Variants in ANKS1B observed in about 807,000 individuals in gnomAD.
ANKS1B encodes ankyrin repeat and sterile alpha motif domain containing 1B.
In ANKS1B, 36 loss-of-function variants were observed where a neutral mutation model predicts 148.3. The observed-to-expected ratio is 0.24, with a 90% CI of 0.19 to 0.32. The LOEUF (loss-of-function observed/expected upper bound fraction) is 0.32, where lower values mean the gene tolerates loss of function less well. Among genes scored for constraint, ANKS1B ranks in the 10% least tolerant of loss-of-function variants. ANKS1B has a pLI of 1.00. For missense variants in ANKS1B, 1,157 were observed against 1,542.6 expected (o/e 0.75, Z 4.19); for synonymous variants, 542 against 560.8 (o/e 0.97, Z 0.47).
intron 9 of ANKS1B, among the ~76,000 whole-genome samples, chr12:99,644,669 G>A (rs2098342094): frequency 6.6e-6 from 1 of 152,102 alleles, no homozygotes; most frequent in African/African-American, 2.4e-5. Context: ...ACCAAAATGT[G>A]GAATAGTTTC....
chr12:98,794,596 TA>T, intron 22 of ANKS1B: 1 of 774,920 alleles, frequency 1.3e-6, no homozygotes, highest in South Asian at 1.4e-5. Context: ...TAAATGTCAT[TA>T]AAAACTTTAA....
chr12:98,955,166 A>G (rs1567994836), intron 17 of ANKS1B, among the ~76,000 whole-genome samples: 1 of 152,226 alleles, frequency 6.6e-6, no homozygotes, highest in Non-Finnish European at 1.5e-5. Flanking sequence ...TTAGAGGACG[A>G]TAAGTACTGC....
At chr12:99,551,529 AGAGGGGAGGGGAGGG>A (rs58248975) in intron 9 of ANKS1B, among the ~76,000 whole-genome samples, 42,682 of 66,472 alleles carry the variant, frequency 0.64, 11,420 homozygotes, top group African/African-American at 0.68. Flanking sequence ...AAAGGAGAGG[AGAGGGGAGGGGAGGG>A]GAGGGGAGGG....
intron 15 of ANKS1B, among the ~76,000 whole-genome samples, chr12:99,097,845 G>A (rs2056712496): frequency 6.6e-6 from 1 of 152,126 alleles, no homozygotes; most frequent in Non-Finnish European, 1.5e-5. Context: ...CATCTGTTCT[G>A]GAGGTTCTAA....
At chr12:98,897,126 T>C (rs1159092126) in intron 17 of ANKS1B, among the ~76,000 whole-genome samples, 1 of 152,174 alleles carries the variant, frequency 6.6e-6, no homozygotes, top group Non-Finnish European at 1.5e-5. Flanking sequence ...TCTACCTGGC[T>C]AGTGAAAATG....
chr12:99,003,892 T>C (rs1173651014), intron 17 of ANKS1B, among the ~76,000 whole-genome samples: 1 of 152,158 alleles, frequency 6.6e-6, no homozygotes, highest in East Asian at 1.9e-4. Flanking sequence ...AAAAAAACCC[T>C]ACATTTTACT....
intron 12 of ANKS1B, among the ~76,000 whole-genome samples, chr12:99,281,438 T>C (rs1367101607): frequency 2.6e-5 from 4 of 152,202 alleles, no homozygotes; most frequent in Admixed American, 2.0e-4. Context: ...TGCTTTACCA[T>C]GACCAGTGTT....
At chr12:98,803,027 T>C (rs547656027) in intron 20 of ANKS1B, among the ~76,000 whole-genome samples, 1 of 152,268 alleles carries the variant, frequency 6.6e-6, no homozygotes, top group Admixed American at 6.5e-5. Context: ...TTTATATTTA[T>C]ATGAATTTTT....
intron 12 of ANKS1B, among the ~76,000 whole-genome samples, chr12:99,295,329 T>C (rs1166927802): frequency 1.3e-5 from 2 of 152,220 alleles, no homozygotes; most frequent in Non-Finnish European, 2.9e-5. Context: ...TGCTGATTTG[T>C]CATCTGAATA....
chr12:99,711,092 T>C (rs2056571703), intron 8 of ANKS1B, among the ~76,000 whole-genome samples: 1 of 152,144 alleles, frequency 6.6e-6, no homozygotes, highest in Non-Finnish European at 1.5e-5. Flanking sequence ...ATTGGATTTG[T>C]ATCTATAATA....
At chr12:99,889,964 G>A (rs138774503) in intron 1 of ANKS1B, among the ~76,000 whole-genome samples, 306 of 152,164 alleles carry the variant, frequency 2.0e-3, no homozygotes, top group African/African-American at 7.2e-3. Context: ...TGATTCCAAT[G>A]TGAACTCCAG....
chr12:99,624,832 T>C (rs1281126644), intron 9 of ANKS1B, among the ~76,000 whole-genome samples: 1 of 152,030 alleles, frequency 6.6e-6, no homozygotes, highest in African/African-American at 2.4e-5. Context: ...TGGGAAACAG[T>C]TGGGAGAGTT....
intron 11 of ANKS1B, among the ~76,000 whole-genome samples, chr12:99,411,852 C>T (rs10777979): frequency 0.41 from 62,481 of 151,892 alleles, 13,380 homozygotes; most frequent in African/African-American, 0.52. Context: ...ATCTCTTTGA[C>T]CCTTCCTGTT....
chr12:98,994,836 C>T (rs996897472), intron 17 of ANKS1B, among the ~76,000 whole-genome samples: 11 of 152,110 alleles, frequency 7.2e-5, no homozygotes, highest in Admixed American at 1.3e-4. Flanking sequence ...CTAATGACCT[C>T]GCTTTTGCTT....
intron 12 of ANKS1B, among the ~76,000 whole-genome samples, chr12:99,285,220 T>C (rs866450583): frequency 1.3e-5 from 2 of 152,228 alleles, no homozygotes; most frequent in Admixed American, 1.3e-4. Flanking sequence ...TTATACAGTA[T>C]ATACTTTTTT....
At chr12:98,940,954 T>G (rs935182912) in intron 17 of ANKS1B, among the ~76,000 whole-genome samples, 1 of 152,194 alleles carries the variant, frequency 6.6e-6, no homozygotes, top group Non-Finnish European at 1.5e-5. Flanking sequence ...GATTCCTTTT[T>G]CTTTTTTTGA....
At chr12:99,725,904 T>C (rs539622847) in intron 8 of ANKS1B, among the ~76,000 whole-genome samples, 1 of 152,306 alleles carries the variant, frequency 6.6e-6, no homozygotes, top group Admixed American at 6.5e-5. Context: ...GACTCCTGGG[T>C]AAATAATGAA....
At chr12:99,028,047 A>G (rs1451707209) in intron 17 of ANKS1B, among the ~76,000 whole-genome samples, 1 of 152,240 alleles carries the variant, frequency 6.6e-6, no homozygotes, top group Non-Finnish European at 1.5e-5. Context: ...AATCTAGACT[A>G]GATGTTTATA....
intron 8 of ANKS1B, among the ~76,000 whole-genome samples, chr12:99,679,540 C>A (rs1260868560): frequency 1.3e-5 from 2 of 151,862 alleles, no homozygotes; most frequent in African/African-American, 4.8e-5. Context: ...AAACTCCTGA[C>A]TTCAAGTGAT....
Sources: allele counts gnomAD v4.1 joint callset (sites outside exome capture counted in the v4.1 genomes callset), GRCh38; gene constraint gnomAD v4.1.1; transcripts MANE v1.5; gene names NCBI Gene and HGNC (gene_info 2026-07-23, HGNC 2026-07-21).